The following ZFYVE28 variants were observed in gnomAD, a reference collection of about 807,000 sequenced individuals.
ZFYVE28 encodes lateral signaling target protein 2 homolog.
ZFYVE28 carries 40 observed loss-of-function variants against 82.1 expected under a neutral mutation model. That is an observed-to-expected ratio of 0.49 (90% CI 0.38 to 0.63). The LOEUF (loss-of-function observed/expected upper bound fraction) is 0.63. Ranked by LOEUF, ZFYVE28 falls within the 30% of genes least tolerant of loss-of-function variation. The pLI is 0.00. For missense variants in ZFYVE28, 1,321 were observed against 1,242.1 expected, an observed-to-expected ratio of 1.06 and a Z score of -0.96; for synonymous variants, 612 against 546.1, an observed-to-expected ratio of 1.12 and a Z score of -1.68.
intron 1 of ZFYVE28, among the ~76,000 whole-genome samples, chr4:2,355,155 G>A (rs901579693): frequency 5.6e-4 from 74 of 132,878 alleles, no homozygotes; most frequent in African/African-American, 1.7e-3. Context: ...TCAGAGTTTC[G>A]AGGATTCAAA....
intron 1 of ZFYVE28, among the ~76,000 whole-genome samples, chr4:2,359,949 C>T (rs1725876952): frequency 6.6e-6 from 1 of 152,230 alleles, no homozygotes; most frequent in South Asian, 2.1e-4. Flanking sequence ...GGACCCCCAT[C>T]CACCTGGAAG....
chr4:2,401,180 G>T (rs566033012), intron 1 of ZFYVE28, among the ~76,000 whole-genome samples: 2 of 152,324 alleles, frequency 1.3e-5, no homozygotes, highest in South Asian at 2.1e-4. Flanking sequence ...AACTAAGGGG[G>T]GCCCCGAAGG....
intron 1 of ZFYVE28, among the ~76,000 whole-genome samples, chr4:2,398,399 C>G (rs555583604): frequency 1.3e-5 from 2 of 152,190 alleles, no homozygotes; most frequent in African/African-American, 2.4e-5. Context: ...AGTGGCAGCT[C>G]GAGAGATGGC....
At chr4:2,392,871 G>A (rs1023014969) in intron 1 of ZFYVE28, among the ~76,000 whole-genome samples, 10 of 152,234 alleles carry the variant, frequency 6.6e-5, no homozygotes, top group South Asian at 2.1e-4. Flanking sequence ...AATGAGAATC[G>A]CACTTCACAC....
chr4:2,406,087 A>G (rs1731881700), intron 1 of ZFYVE28, among the ~76,000 whole-genome samples: 1 of 133,778 alleles, frequency 7.5e-6, no homozygotes, highest in Non-Finnish European at 1.6e-5. Context: ...AGGAAAGAAA[A>G]TTAGCCGGGC....
intron 8 of ZFYVE28, among the ~76,000 whole-genome samples, chr4:2,293,374 T>A (rs1030789113): frequency 2.0e-5 from 3 of 151,564 alleles, no homozygotes; most frequent in African/African-American, 7.3e-5. Flanking sequence ...GATGACAAGA[T>A]CATCTATGTA....
intron 8 of ZFYVE28, among the ~76,000 whole-genome samples, chr4:2,291,893 G>A (rs563735968): frequency 1.8e-3 from 277 of 152,350 alleles, no homozygotes; most frequent in Non-Finnish European, 3.1e-3. Flanking sequence ...AGGAGCTAGG[G>A]TGGGGAGCAG....
intron 8 of ZFYVE28, among the ~76,000 whole-genome samples, chr4:2,299,230 G>A (rs1038256959): frequency 3.9e-5 from 6 of 152,110 alleles, no homozygotes; most frequent in South Asian, 2.1e-4. Context: ...AAACGCAGGC[G>A]CTAACAGAAC....
At chr4:2,387,089 T>G (rs970557094) in intron 1 of ZFYVE28, among the ~76,000 whole-genome samples, 2 of 137,552 alleles carry the variant, frequency 1.5e-5, no homozygotes, top group Non-Finnish European at 3.1e-5. Context: ...GGCCACTCCC[T>G]GGAGGAGGGG....
intron 1 of ZFYVE28, among the ~76,000 whole-genome samples, chr4:2,376,333 T>C (rs1036617761): frequency 7.2e-6 from 1 of 139,744 alleles, no homozygotes; most frequent in African/African-American, 2.7e-5. Context: ...GCCCAGGAGT[T>C]TGAGACCAGC....
intron 7 of ZFYVE28, among the ~76,000 whole-genome samples, chr4:2,313,338 G>A (rs751545010): frequency 6.6e-6 from 1 of 151,824 alleles, no homozygotes; most frequent in Admixed American, 6.6e-5. Context: ...TTAGCTCATT[G>A]CAACTTCTGC....
intron 1 of ZFYVE28, among the ~76,000 whole-genome samples, chr4:2,371,807 C>T (rs1273577660): frequency 2.0e-5 from 3 of 152,252 alleles, no homozygotes; most frequent in Admixed American, 6.5e-5. Context: ...GGGAAGGCCA[C>T]GCTGCGGGTT....
At chr4:2,314,964 G>T (rs1717997239) in intron 7 of ZFYVE28, among the ~76,000 whole-genome samples, 1 of 151,984 alleles carries the variant, frequency 6.6e-6, no homozygotes, top group Admixed American at 6.6e-5. Context: ...TTTTTAACTA[G>T]AGAGCCTCAC....
intron 8 of ZFYVE28, among the ~76,000 whole-genome samples, chr4:2,280,725 G>C (rs934571951): frequency 6.6e-6 from 1 of 152,224 alleles, no homozygotes; most frequent in African/African-American, 2.4e-5. Flanking sequence ...GAAAGTGCCT[G>C]CTGGCAGCAG....
At chr4:2,281,389 T>C (rs1436321461) in intron 8 of ZFYVE28, among the ~76,000 whole-genome samples, 1 of 152,094 alleles carries the variant, frequency 6.6e-6, no homozygotes, top group Non-Finnish European at 1.5e-5. Flanking sequence ...GTCTAGGTAA[T>C]TTATAATGAA....
chr4:2,326,325 T>C (rs1719847993), intron 6 of ZFYVE28, among the ~76,000 whole-genome samples: 2 of 152,252 alleles, frequency 1.3e-5, no homozygotes, highest in Non-Finnish European at 2.9e-5. Context: ...CCTTGTCTTC[T>C]TGGCACCTTT....
intron 7 of ZFYVE28, among the ~76,000 whole-genome samples, chr4:2,312,909 G>C (rs546335482): frequency 8.7e-4 from 132 of 152,164 alleles, no homozygotes; most frequent in African/African-American, 2.7e-3. Flanking sequence ...GCCAGGCATG[G>C]AGGCGCATGC....
At chr4:2,308,659 A>G (rs557796497) in intron 7 of ZFYVE28, among the ~76,000 whole-genome samples, 1 of 127,238 alleles carries the variant, frequency 7.9e-6, no homozygotes, top group East Asian at 2.0e-4. Context: ...GAAAGAAAGA[A>G]AGAAAGAAAG....
intron 8 of ZFYVE28, among the ~76,000 whole-genome samples, chr4:2,279,397 C>G (rs1711590304): frequency 6.6e-6 from 1 of 152,170 alleles, no homozygotes; most frequent in Non-Finnish European, 1.5e-5. Flanking sequence ...TGCCATTGCA[C>G]TCTAGCCTGA....
Sources: gnomAD v4.1 joint callset for allele counts (sites outside exome capture counted in the v4.1 genomes callset) on GRCh38, gnomAD v4.1.1 for gene constraint, MANE v1.5 for transcripts, NCBI Gene and HGNC (gene_info 2026-07-23, HGNC 2026-07-21) for gene names.